The following DPP10 variants were observed in gnomAD, a reference collection of about 807,000 sequenced individuals.
The protein encoded by DPP10 is dipeptidyl peptidase like 10, also known as inactive dipeptidyl peptidase 10.
A neutral mutation model predicts 120.9 loss-of-function variants in DPP10; 33 were observed. That is an observed-to-expected ratio of 0.27 (90% CI 0.21 to 0.37). DPP10 has a LOEUF of 0.37. Among genes scored for constraint, DPP10 ranks in the 10% least tolerant of loss-of-function variants. The pLI is 1.00. For synonymous variants in DPP10, 337 were observed against 326.1 expected (o/e 1.03, Z -0.36); for missense variants, 816 against 942.8 (o/e 0.87, Z 1.76).
chr2:114,835,728 C>T (rs890203431), intron 1 of DPP10: 5 of 152,076 alleles, frequency 3.3e-5, no homozygotes, highest in African/African-American at 4.8e-5. Context: ...AAAATACTGT[C>T]AGTCAGACAA....
chr2:115,170,157 T>C (rs764555885), intron 1 of DPP10, among the ~76,000 whole-genome samples: 5 of 152,174 alleles, frequency 3.3e-5, no homozygotes, highest in Non-Finnish European at 5.9e-5. Flanking sequence ...TTGGCAAGAG[T>C]TGAGTAAGTG....
At chr2:114,761,283 A>G (rs995492236) in intron 1 of DPP10, among the ~76,000 whole-genome samples, 3 of 152,314 alleles carry the variant, frequency 2.0e-5, no homozygotes, top group African/African-American at 4.8e-5. Context: ...TCTGGGAAAT[A>G]CTATATATTA....
At chr2:115,330,209 TG>T (rs2062628382) in intron 2 of DPP10, among the ~76,000 whole-genome samples, 1 of 152,210 alleles carries the variant, frequency 6.6e-6, no homozygotes, top group South Asian at 2.1e-4. Context: ...CATTTTTTCA[TG>T]TGTCTTTTGG....
intron 1 of DPP10, among the ~76,000 whole-genome samples, chr2:114,663,215 C>G (rs1253203229): frequency 4.0e-5 from 6 of 148,914 alleles, no homozygotes; most frequent in Non-Finnish European, 5.9e-5. Context: ...CTCCAGTAAA[C>G]AGATGTGTAT....
At chr2:114,810,077 G>C (rs773642051) in intron 1 of DPP10, among the ~76,000 whole-genome samples, 6 of 152,146 alleles carry the variant, frequency 3.9e-5, no homozygotes, top group Non-Finnish European at 8.8e-5. Context: ...CCTTGGGAAA[G>C]TGCCCTAAAA....
chr2:114,785,250 AT>A lies in DPP10; in HGVS notation c.60+342424del, dbSNP rs34861451. On this transcript the variant is annotated intron_variant, in intron 1 of 25. Coordinates refer to ENST00000410059, the MANE Select transcript of DPP10 (RefSeq NM_020868.6). ...ATGAGAATAGGGCATGCTTTGCTGG[AT>A]TTTTTTTTTTTCTTGAAATTTTCCT... is the stretch of plus-strand genomic sequence containing the variant. Among the ~76,000 whole-genome samples, 151 of 147,820 alleles carry A rather than the reference AT, an allele frequency of 1.0e-3. 1 individual carries two copies. Among genetic ancestry groups the A allele is most frequent in the Admixed American group, 6.3e-3 (93 of 14,814 alleles).
At chr2:114,826,162 A>G (rs1686514186) in intron 1 of DPP10, among the ~76,000 whole-genome samples, 1 of 152,202 alleles carries the variant, frequency 6.6e-6, no homozygotes, top group South Asian at 2.1e-4. Flanking sequence ...TGTATAGAGT[A>G]AAATGTATGC....
chr2:114,870,092 C>T (rs1041561242), intron 1 of DPP10, among the ~76,000 whole-genome samples: 2 of 152,112 alleles, frequency 1.3e-5, no homozygotes, highest in African/African-American at 4.8e-5. Flanking sequence ...TCTCACTATA[C>T]TTGGGCATGG....
intron 1 of DPP10, among the ~76,000 whole-genome samples, chr2:115,059,258 ATTTTC>A (rs1706193370): frequency 2.0e-5 from 3 of 151,386 alleles, no homozygotes; most frequent in African/African-American, 2.4e-5. Context: ...ACTTTAGCAT[ATTTTC>A]TTAATAAATC....
chr2:114,616,825 G>A (rs1027632440), intron 1 of DPP10, among the ~76,000 whole-genome samples: 1 of 152,020 alleles, frequency 6.6e-6, no homozygotes, highest in African/African-American at 2.4e-5. Flanking sequence ...TCAATGGAGA[G>A]ATCAAGCTTT....
At chr2:115,831,027 T>A (rs1688865281) in intron 21 of DPP10, among the ~76,000 whole-genome samples, 1 of 152,126 alleles carries the variant, frequency 6.6e-6, no homozygotes, top group African/African-American at 2.4e-5. Context: ...TGAGGCAGGA[T>A]TAAGATTCTG....
chr2:115,202,223 C>T (rs1333616093), intron 1 of DPP10, among the ~76,000 whole-genome samples: 1 of 152,116 alleles, frequency 6.6e-6, no homozygotes, highest in Admixed American at 6.5e-5. Context: ...GCACCCATGC[C>T]TAGCCTACAT....
At chr2:114,883,087 C>A (rs1691778268) in intron 1 of DPP10, among the ~76,000 whole-genome samples, 1 of 152,208 alleles carries the variant, frequency 6.6e-6, no homozygotes. Context: ...TACAGAATCA[C>A]ACAATTGCTT....
intron 5 of DPP10, among the ~76,000 whole-genome samples, chr2:115,560,892 TG>T (rs2080612460): frequency 6.6e-6 from 1 of 152,134 alleles, no homozygotes; most frequent in African/African-American, 2.4e-5. Context: ...TCTCACAACA[TG>T]GGTGCCTCTA....
At chr2:115,273,581 C>T (rs544037782) in intron 1 of DPP10, among the ~76,000 whole-genome samples, 1 of 152,304 alleles carries the variant, frequency 6.6e-6, no homozygotes, top group African/African-American at 2.4e-5. Context: ...CGTGATCCGC[C>T]CGCCTCGGCC....
chr2:115,432,366 A>C (rs2104784548), intron 3 of DPP10, among the ~76,000 whole-genome samples: 1 of 152,144 alleles, frequency 6.6e-6, no homozygotes, highest in Non-Finnish European at 1.5e-5. Flanking sequence ...CAAATGTGGG[A>C]GATATTCATG....
chr2:115,278,727 C>T (rs552267725), intron 1 of DPP10, among the ~76,000 whole-genome samples: 1 of 152,046 alleles, frequency 6.6e-6, no homozygotes, highest in African/African-American at 2.4e-5. Context: ...ATTCAGTTGC[C>T]CCAAGGGAGG....
At chr2:115,311,975 C>T (rs528168765) in intron 2 of DPP10, among the ~76,000 whole-genome samples, 11 of 152,014 alleles carry the variant, frequency 7.2e-5, no homozygotes, top group African/African-American at 7.2e-5. Context: ...AGGCTGGTCT[C>T]GAACTCCTGG....
chr2:115,128,038 T>C (rs995586454), intron 1 of DPP10, among the ~76,000 whole-genome samples: 1 of 152,210 alleles, frequency 6.6e-6, no homozygotes, highest in Non-Finnish European at 1.5e-5. Flanking sequence ...AAATGGTTTG[T>C]TCAGAATGCT....
Sources: gnomAD v4.1 joint callset for allele counts (sites outside exome capture counted in the v4.1 genomes callset) on GRCh38, gnomAD v4.1.1 for gene constraint, MANE v1.5 for transcripts, NCBI Gene and HGNC (gene_info 2026-07-23, HGNC 2026-07-21) for gene names.